CNTNAP4: variants seen among roughly 807,000 people sequenced by gnomAD.
CNTNAP4 encodes contactin-associated protein-like 4.
A neutral mutation model predicts 148.4 loss-of-function variants in CNTNAP4; 98 were observed. That is an observed-to-expected ratio of 0.66 (90% CI 0.56 to 0.78). The LOEUF (loss-of-function observed/expected upper bound fraction) is 0.78. CNTNAP4 is among the 30% of genes least tolerant of loss of function. CNTNAP4 has a pLI of 0.00. For missense variants in CNTNAP4, 1,935 were observed against 1,565.6 expected (o/e 1.24, Z -3.98); for synonymous variants, 730 against 565.1 (o/e 1.29, Z -4.14).
intron 15 of CNTNAP4, among the ~76,000 whole-genome samples, chr16:76,516,097 C>A (rs960981844): frequency 2.0e-5 from 3 of 151,398 alleles, no homozygotes; most frequent in African/African-American, 7.3e-5. Context: ...CCCCTTGCCC[C>A]CCACCCCCCA....
At chr16:76,480,036 A>G (rs1029033204) in intron 12 of CNTNAP4, among the ~76,000 whole-genome samples, 1 of 152,160 alleles carries the variant, frequency 6.6e-6, no homozygotes, top group African/African-American at 2.4e-5. Flanking sequence ...TTTACAGCCT[A>G]TATTAGTTTA....
chr16:76,313,759 A>G (rs2144062353), intron 1 of CNTNAP4, among the ~76,000 whole-genome samples: 1 of 152,348 alleles, frequency 6.6e-6, no homozygotes, highest in South Asian at 2.1e-4. Context: ...GTTCATGTAT[A>G]ATAAACTTAA....
intron 1 of CNTNAP4, among the ~76,000 whole-genome samples, chr16:76,308,650 C>T (rs1960759467): frequency 6.6e-6 from 1 of 152,114 alleles, no homozygotes; most frequent in Non-Finnish European, 1.5e-5. Flanking sequence ...TAATTTGCAG[C>T]TCTATTTTAG....
intron 10 of CNTNAP4, among the ~76,000 whole-genome samples, chr16:76,474,416 T>C (rs578080751): frequency 7.2e-5 from 11 of 152,262 alleles, no homozygotes; most frequent in African/African-American, 2.6e-4. Context: ...CCTATCTAAA[T>C]TGTGGTTAAG....
intron 3 of CNTNAP4, among the ~76,000 whole-genome samples, chr16:76,357,957 A>G (rs1280097626): frequency 6.6e-6 from 1 of 152,180 alleles, no homozygotes; most frequent in East Asian, 1.9e-4. Context: ...GGACCAATAA[A>G]TGAATGGATG....
chr16:76,542,141 G>T (rs549555960), intron 21 of CNTNAP4, among the ~76,000 whole-genome samples: 6 of 152,284 alleles, frequency 3.9e-5, no homozygotes, highest in African/African-American at 1.4e-4. Context: ...CAAAACTTCA[G>T]ATGCATAGAA....
chr16:76,339,304 A>C (rs1400892360), intron 2 of CNTNAP4, among the ~76,000 whole-genome samples: 1 of 152,198 alleles, frequency 6.6e-6, no homozygotes, highest in Non-Finnish European at 1.5e-5. Context: ...TTCAACATAT[A>C]ACATCTCATT....
At chr16:76,480,962 AT>A (rs1266474002) in intron 12 of CNTNAP4, among the ~76,000 whole-genome samples, 4 of 152,216 alleles carry the variant, frequency 2.6e-5, no homozygotes, top group Non-Finnish European at 5.9e-5. Context: ...TGAAGAACAA[AT>A]TTGAAGGATT....
At position 76,447,996 on chromosome 16, in the gene CNTNAP4, C is replaced by T. The variant is rs1380328189; in HGVS notation, c.539-16C>T. 1.3e-6 allele frequency: 2 copies of T among 1,579,440 alleles called. No individual in the cohort carries two copies. The highest frequency in any genetic ancestry group is 1.7e-5 in the Admixed American group (1 of 59,210). On this transcript the variant is annotated splice_polypyrimidine_tract_variant and intron_variant, in intron 4 of 23. Coordinates refer to ENST00000611870, the MANE Select transcript of CNTNAP4 (RefSeq NM_033401.5). ...ATATTTATCCTTAGAATGCCTTCTACTATCTTTGTTTCTAGGATCAGAAGT... is the reference window on the plus strand; with the variant it reads ...ATATTTATCCTTAGAATGCCTTCTATTATCTTTGTTTCTAGGATCAGAAGT...
intron 3 of CNTNAP4, among the ~76,000 whole-genome samples, chr16:76,363,414 G>A (rs1238789537): frequency 6.6e-6 from 1 of 151,790 alleles, no homozygotes; most frequent in Non-Finnish European, 1.5e-5. Flanking sequence ...CACCCACCTT[G>A]GCCTCCCAAA....
At chr16:76,508,936 A>T (rs528866504) in intron 15 of CNTNAP4, among the ~76,000 whole-genome samples, 1 of 94,666 alleles carries the variant, frequency 1.1e-5, no homozygotes, top group Admixed American at 1.0e-4. Context: ...TAATTTTAGT[A>T]GAGACGTGGT....
intron 1 of CNTNAP4, among the ~76,000 whole-genome samples, chr16:76,297,285 T>C (rs957170634): frequency 1.3e-5 from 2 of 152,214 alleles, no homozygotes; most frequent in Non-Finnish European, 2.9e-5. Context: ...CACATGTATT[T>C]GAAATCATAT....
intron 17 of CNTNAP4, 149 bp from the exon 18 acceptor site, chr16:76,535,396 C>A: frequency 4.1e-6 from 3 of 731,482 alleles, no homozygotes; most frequent in Non-Finnish European, 6.6e-6. Flanking sequence ...TTCTTGGAGT[C>A]TATATTTGAC....
intron 2 of CNTNAP4, among the ~76,000 whole-genome samples, chr16:76,343,309 A>C (rs369265009): frequency 6.6e-6 from 1 of 152,286 alleles, no homozygotes; most frequent in East Asian, 1.9e-4. Flanking sequence ...TTTTTATCAA[A>C]AAGGACAATT....
chr16:76,394,537 A>C lies in CNTNAP4; in HGVS notation c.391-32915A>C, dbSNP rs145473041. On this transcript the variant is annotated intron_variant, in intron 3 of 23. Coordinates refer to ENST00000611870, the MANE Select transcript of CNTNAP4 (RefSeq NM_033401.5). ...AATTTCCTAATTTTCACTAATTCCTAGAGTGATGGGATTATGAGTAGGCTT... is the reference window on the plus strand; with the variant it reads ...AATTTCCTAATTTTCACTAATTCCTCGAGTGATGGGATTATGAGTAGGCTT... Among the ~76,000 whole-genome samples the C allele has an allele frequency of 5.9e-5, 9 of 152,314 alleles. No individual in the cohort carries two copies. The East Asian group carries it at 1.7e-3, about 29-fold the overall frequency.
Position 76,559,846 on chromosome 16 carries a change from A to G in CNTNAP4, c.*1163A>G, listed in dbSNP as rs1007491414. Among the ~76,000 whole-genome samples, 9 of 115,922 alleles carry G rather than the reference A, an allele frequency of 7.8e-5. No homozygotes were observed. The highest frequency in any genetic ancestry group is 2.5e-4 in the Admixed American group (3 of 12,098). The allele number at this position is 115,922 out of a possible 152,430, so 76.0% of individuals were successfully genotyped here. A position where few individuals can be genotyped will look rare whatever the true frequency, so the allele number is the denominator to read the frequency against. ...ACTTTTTGAAATATGAGCTGCAACC[A>G]TCAGTGATCTACACAATCAATAATT... On this transcript the variant is annotated 3_prime_UTR_variant, in exon 24 of 24. Coordinates refer to ENST00000611870, the MANE Select transcript of CNTNAP4 (RefSeq NM_033401.5).
At chr16:76,391,097 G>T (rs1039740820) in intron 3 of CNTNAP4, among the ~76,000 whole-genome samples, 1 of 152,056 alleles carries the variant, frequency 6.6e-6, no homozygotes, top group African/African-American at 2.4e-5. Context: ...ATAGTAGGTC[G>T]TATTCTTTCT....
chr16:76,419,530 A>T (rs1440470739), intron 3 of CNTNAP4, among the ~76,000 whole-genome samples: 1 of 151,974 alleles, frequency 6.6e-6, no homozygotes, highest in Non-Finnish European at 1.5e-5. Flanking sequence ...GTCTACACTC[A>T]GTTTCCAGAG....
At chr16:76,429,512 C>G (rs1437889141) in intron 4 of CNTNAP4, among the ~76,000 whole-genome samples, 3 of 152,152 alleles carry the variant, frequency 2.0e-5, no homozygotes, top group African/African-American at 7.2e-5. Flanking sequence ...AAACATTAAG[C>G]AATTTGTTCA....
Sources: allele counts gnomAD v4.1 joint callset (sites outside exome capture counted in the v4.1 genomes callset), GRCh38; gene constraint gnomAD v4.1.1; transcripts MANE v1.5; gene names NCBI Gene and HGNC (gene_info 2026-07-23, HGNC 2026-07-21).